CD36: variants seen among roughly 807,000 people sequenced by gnomAD.
The protein encoded by CD36 is platelet glycoprotein 4.
CD36 carries 119 observed loss-of-function variants against 55.2 expected under a neutral mutation model. That is an observed-to-expected ratio of 2.15 (90% CI 1.86 to 2.51). The LOEUF is 2.51. CD36 is among the 30% of genes most tolerant of loss of function. The pLI is 0.00. For synonymous variants in CD36, 186 were observed against 193.6 expected, an observed-to-expected ratio of 0.96 and a Z score of 0.33; for missense variants, 819 against 555.5, an observed-to-expected ratio of 1.47 and a Z score of -4.77.
intron 3 of CD36, among the ~76,000 whole-genome samples, chr7:80,656,022 T>G (rs758233371): frequency 2.6e-5 from 4 of 152,154 alleles, no homozygotes; most frequent in Non-Finnish European, 4.4e-5. Flanking sequence ...TGTAGATATT[T>G]TTATTTTCTT....
intron 1 of CD36, among the ~76,000 whole-genome samples, chr7:80,622,116 G>A (rs1199192657): frequency 6.6e-6 from 1 of 152,194 alleles, no homozygotes; most frequent in Non-Finnish European, 1.5e-5. Flanking sequence ...GCCACATGGG[G>A]GACTTTCCCA....
chr7:80,667,410 A>G (rs965116720), intron 8 of CD36, among the ~76,000 whole-genome samples: 1 of 141,642 alleles, frequency 7.1e-6, no homozygotes, highest in Non-Finnish European at 1.5e-5. Context: ...AGCCTGGGCA[A>G]TAGTGTGAGA....
chr7:80,669,496 T>G (rs1584454617), intron 8 of CD36, among the ~76,000 whole-genome samples: 1 of 152,118 alleles, frequency 6.6e-6, no homozygotes, highest in South Asian at 2.1e-4. Context: ...GGCATGATCT[T>G]GGCTCACTGC....
At chr7:80,662,355 C>T in intron 5 of CD36, 1 of 194,910 alleles carries the variant, frequency 5.1e-6, no homozygotes, top group Non-Finnish European at 1.1e-5. Context: ...AATCGTAGTC[C>T]TCCTCATCCT....
At chr7:80,610,090 A>G (rs1792792127) in intron 1 of CD36, among the ~76,000 whole-genome samples, 1 of 152,220 alleles carries the variant, frequency 6.6e-6, no homozygotes, top group Non-Finnish European at 1.5e-5. Flanking sequence ...GTATTATCCA[A>G]AAGCACACAG....
Position 80,670,008 on chromosome 7 carries a change from T to TGCAAATA in CD36, c.804_805insGCAAATA (p.Ser269AlafsTer4), listed in dbSNP as rs1187472887. ...AAAGCCAGGTATTGCAGTTCTTTTC[T>TGCAAATA]TCTGATATTTGCAGGTAAGACAGAT... On this transcript the variant is annotated frameshift_variant, in exon 9 of 15. Transcript: ENST00000447544. LOFTEE classifies it high-confidence loss of function. 1 of 1,606,626 alleles carries TGCAAATA rather than the reference T, an allele frequency of 6.2e-7. No homozygotes were observed. The highest frequency in any genetic ancestry group is 8.5e-7 in the Non-Finnish European group (1 of 1,173,696).
At position 80,618,820 on chromosome 7, in the gene CD36, G is replaced by A. The variant is rs537487464; in HGVS notation, c.-184+16441G>A. The stretch of plus-strand genomic sequence containing the variant: ...AAGAAGCTGTCTCCATAAAATAAAA[G>A]TGCAAGATAAAACATCAAGTGAAGA... On this transcript the variant is annotated intron_variant, in intron 1 of 13. Coordinates refer to the CD36 transcript ENST00000309881. Among the ~76,000 whole-genome samples the A allele has an allele frequency of 3.9e-5, 6 of 152,194 alleles. No homozygotes were observed. The East Asian group carries it at 5.8e-4, about 15-fold the overall frequency.
intron 5 of CD36, among the ~76,000 whole-genome samples, 162 bp downstream of exon 5, chr7:80,661,372 C>A (rs1252497239): frequency 6.6e-6 from 1 of 151,976 alleles, no homozygotes; most frequent in Non-Finnish European, 1.5e-5. Context: ...TGGAAAGTGA[C>A]AAAATCATAA....
intron 1 of CD36, chr7:80,639,836 T>C (rs1794690424): frequency 6.6e-6 from 1 of 152,010 alleles, no homozygotes. Context: ...AATCATTTAA[T>C]TTCCCAGACT....
intron 12 of CD36, 111 bp from the exon 13 acceptor site, chr7:80,673,244 G>A: frequency 1.7e-6 from 1 of 597,464 alleles, no homozygotes; most frequent in Non-Finnish European, 3.0e-6. Context: ...AGTCATTACA[G>A]GAACAAAATC....
chr7:80,655,818 G>A (rs1428617829), intron 3 of CD36, among the ~76,000 whole-genome samples: 1 of 151,832 alleles, frequency 6.6e-6, no homozygotes, highest in Non-Finnish European at 1.5e-5. Context: ...TGGGCATGGT[G>A]GCACAGGTGA....
chr7:80,640,876 G>A lies in CD36; in HGVS notation c.-184+2130G>A, dbSNP rs183693050. On this transcript the variant is annotated intron_variant, in intron 1 of 14. Coordinates refer to ENST00000447544, the MANE Select transcript of CD36 (RefSeq NM_001001548.3). ...ACAAATTGCAATATTTGAGAAGTAT[G>A]TAATTATTTTATATTACAGATGTCT... 9.9e-5 allele frequency among the ~76,000 whole-genome samples: 15 copies of A among 152,102 alleles called. 1 individual carries two copies. In the East Asian group the frequency reaches 2.7e-3, roughly 27 times the overall value.
chr7:80,657,724 G>A (rs1796203568), intron 4 of CD36, among the ~76,000 whole-genome samples: 1 of 152,108 alleles, frequency 6.6e-6, no homozygotes, highest in South Asian at 2.1e-4. Context: ...CCAAGGATTA[G>A]GAATATATTT....
chr7:80,668,443 T>C (rs1480370310), intron 8 of CD36, among the ~76,000 whole-genome samples: 1 of 152,186 alleles, frequency 6.6e-6, no homozygotes, highest in Non-Finnish European at 1.5e-5. Flanking sequence ...CTAATGTGTT[T>C]TCATCGTAAT....
At position 80,663,100 on chromosome 7, in the gene CD36, G is replaced by A. The variant is rs746071954; in HGVS notation, c.540G>A (p.Trp180Ter). The part of the protein sequence containing the change: ...FQVRTLRELL[W>*]GYRDPFLSLV... Reference sequence around the variant, plus strand: ...TCAGAACTTTGAGAGAACTGTTATGGGGCTATAGGGATCCATTTTTGAGTT... The same window carrying A: ...TCAGAACTTTGAGAGAACTGTTATGAGGCTATAGGGATCCATTTTTGAGTT... The change falls in exon 6 of 15, where the codon TGG becomes TGA. Residue 180 changes from tryptophan to a stop codon, truncating the protein, a stop_gained. Coordinates refer to ENST00000447544, the MANE Select transcript of CD36 (RefSeq NM_001001548.3). LOFTEE classifies it high-confidence loss of function. 1 of 1,613,542 alleles carries A rather than the reference G, an allele frequency of 6.2e-7. No individual in the cohort carries two copies. Among genetic ancestry groups the A allele is most frequent in the Non-Finnish European group, 8.5e-7 (1 of 1,179,712 alleles).
At chr7:80,610,509 T>C (rs1342228976) in intron 1 of CD36, among the ~76,000 whole-genome samples, 1 of 152,086 alleles carries the variant, frequency 6.6e-6, no homozygotes, top group African/African-American at 2.4e-5. Context: ...AAACAGAATT[T>C]TCCTCTATCT....
At position 80,646,792 on chromosome 7, in the gene CD36, G is replaced by A. The variant is rs746085102; in HGVS notation, c.52G>A (p.Val18Ile). 1.2e-5 allele frequency: 20 copies of A among 1,613,926 alleles called. No individual in the cohort carries two copies. Among genetic ancestry groups the A allele is most frequent in the Admixed American group, 1.7e-5 (1 of 59,996 alleles). Residue 18 changes from valine (V) to isoleucine (I), a missense_variant, in exon 3 of 15, where the codon GTC becomes ATC. Transcript: ENST00000447544. ...CATCGCTGGGGCTGTCATTGGTGCT[G>A]TCCTGGCTGTGTTTGGAGGTATTCT... Reference protein sequence around the residue: ...GLIAGAVIGAVLAVFGGILMP... With the variant: ...GLIAGAVIGAILAVFGGILMP...
At chr7:80,672,951 C>G (rs1346784213) in intron 12 of CD36, 108 bp downstream of exon 12, 2 of 752,558 alleles carry the variant, frequency 2.7e-6, no homozygotes, top group Non-Finnish European at 4.7e-6. Context: ...CATCTGATAT[C>G]AACTTATCTT....
rs1020394767 is a variant in CD36, at chr7:80,677,090, C to G, written c.*707C>G. 2.2e-4 allele frequency: 33 copies of G among 152,098 alleles called. 1 individual carries two copies. 9.4% of individuals were successfully genotyped at this position (152,098 alleles called of 1,614,324 possible). On this transcript the variant is annotated 3_prime_UTR_variant, in exon 15 of 15. Transcript: ENST00000447544. The stretch of plus-strand genomic sequence containing the variant: ...TCTCTGAAGTATATTTTATCTGAAT[C>G]CACATTTCTTTATAAATCCATAGTC...
Sources: gnomAD v4.1 joint callset for allele counts (sites outside exome capture counted in the v4.1 genomes callset) on GRCh38, gnomAD v4.1.1 for gene constraint, MANE v1.5 for transcripts, NCBI Gene and HGNC (gene_info 2026-07-23, HGNC 2026-07-21) for gene names.